The following HPS3 variants were observed in gnomAD, a reference collection of about 807,000 sequenced individuals.
HPS3 encodes the protein BLOC-2 complex member HPS3.
A neutral mutation model predicts 110.9 loss-of-function variants in HPS3; 79 were observed. The observed-to-expected ratio is 0.71, with a 90% CI of 0.59 to 0.86. The LOEUF (loss-of-function observed/expected upper bound fraction) is 0.86, where lower values mean the gene tolerates loss of function less well. Among genes scored for constraint, HPS3 ranks in the 40% least tolerant of loss-of-function variants. HPS3 has a pLI of 0.00. For synonymous variants in HPS3, 428 were observed against 451.0 expected, an observed-to-expected ratio of 0.95 and a Z score of 0.65; for missense variants, 1,197 against 1,206.2, an observed-to-expected ratio of 0.99 and a Z score of 0.11.
intron 4 of HPS3, among the ~76,000 whole-genome samples, chr3:149,142,544 T>C (rs190324117): frequency 6.6e-5 from 10 of 152,354 alleles, no homozygotes; most frequent in East Asian, 5.8e-4. Context: ...GGCACCATGA[T>C]TGAGAATCAC....
chr3:149,137,787 A>T (rs1365907843), intron 1 of HPS3, among the ~76,000 whole-genome samples: 1 of 152,196 alleles, frequency 6.6e-6, no homozygotes, highest in Non-Finnish European at 1.5e-5. Flanking sequence ...TAGAGATAGT[A>T]TAATGGTGGT....
chr3:149,149,158 T>A (rs1159313237), intron 5 of HPS3, among the ~76,000 whole-genome samples: 1 of 143,870 alleles, frequency 7.0e-6, no homozygotes, highest in East Asian at 2.0e-4. Context: ...AGAGACGGGG[T>A]TTCACTGTGT....
intron 1 of HPS3, 129 bp downstream of exon 1, chr3:149,130,069 T>A: frequency 1.2e-6 from 1 of 862,330 alleles, no homozygotes; most frequent in Non-Finnish European, 1.8e-6. Flanking sequence ...TGCCGGATGG[T>A]CTCCCTGGGT....
At chr3:149,155,351 A>G (rs547584847) in intron 8 of HPS3, 136 bp downstream of exon 8, 6 of 675,208 alleles carry the variant, frequency 8.9e-6, no homozygotes, top group South Asian at 3.3e-5. Flanking sequence ...AGTGGAATGT[A>G]TATCTCTCTC....
In HPS3 at chr3:149,162,771, G is replaced by C; in HGVS notation, c.2374G>C (p.Asp792His). The C allele has an allele frequency of 1.2e-6, 2 of 1,614,030 alleles. No homozygotes were observed. Among genetic ancestry groups the C allele is most frequent in the Non-Finnish European group, 1.7e-6 (2 of 1,179,932 alleles). Residue 792 changes from aspartate (D) to histidine (H), a missense_variant, in exon 13 of 17, where the codon GAT becomes CAT. Coordinates refer to ENST00000296051, the MANE Select transcript of HPS3 (RefSeq NM_032383.5). ...AGCTCAGCTAGTGGCATGTCTCCCA[G>C]ATGTGGTACTTCAGGAACTCTTTTT... ...WEAQLVACLP[D>H]VVLQELFFKL... is the part of the protein sequence containing the mutation.
intron 1 of HPS3, among the ~76,000 whole-genome samples, chr3:149,139,416 T>C (rs1034660634): frequency 6.6e-6 from 1 of 152,224 alleles, no homozygotes; most frequent in Non-Finnish European, 1.5e-5. Context: ...GGGAGATCAT[T>C]ATGCTTTTCA....
Position 149,162,351 on chromosome 3 carries a change from T to C in HPS3, c.2292+18T>C, listed in dbSNP as rs1208714958. ...TTTTTAAGGTTTGTCACTTTGAAAA[T>C]GTGATTTTTCTGGATGGCCTCATTA... On this transcript the variant is annotated intron_variant, in intron 12 of 16. Transcript: ENST00000296051. The C allele has an allele frequency of 3.1e-6, 5 of 1,610,190 alleles. No individual in the cohort carries two copies. The Admixed American group carries it at 6.7e-5, about 21-fold the overall frequency.
rs1229261242 is a variant in HPS3, at chr3:149,173,235, A to G, written c.*1013A>G. The G allele has an allele frequency of 6.5e-6, 1 of 152,696 alleles. No homozygotes were observed. Among genetic ancestry groups the G allele is most frequent in the African/African-American group, 2.4e-5 (1 of 41,446 alleles). 9.5% of individuals were successfully genotyped at this position (152,696 alleles called of 1,614,324 possible). A position where few individuals can be genotyped will look rare whatever the true frequency, so the allele number is the denominator to read the frequency against. On this transcript the variant is annotated 3_prime_UTR_variant, in exon 17 of 17. Coordinates refer to ENST00000296051, the MANE Select transcript of HPS3 (RefSeq NM_032383.5). The stretch of plus-strand genomic sequence containing the variant: ...GGTTCACAAAACTCAAATTTGTGTC[A>G]TTCTATTTTATTTATTTTATTTTTT...
At chr3:149,137,121 TCAA>T (rs1286442188) in intron 1 of HPS3, among the ~76,000 whole-genome samples, 3 of 151,858 alleles carry the variant, frequency 2.0e-5, no homozygotes, top group Non-Finnish European at 2.9e-5. Flanking sequence ...CTCTTACAAC[TCAA>T]CAACAACCAA....
At chr3:149,155,253 T>C (rs1723376820) in intron 8 of HPS3, 38 bp downstream of exon 8, 1 of 1,110,492 alleles carries the variant, frequency 9.0e-7, no homozygotes, top group Non-Finnish European at 1.4e-6. Flanking sequence ...TTTGTAGATA[T>C]TTAGAGTGAA....
intron 14 of HPS3, among the ~76,000 whole-genome samples, chr3:149,166,810 A>T (rs981880110): frequency 7.2e-5 from 11 of 152,236 alleles, no homozygotes; most frequent in Non-Finnish European, 1.5e-4. Context: ...TGTTATTTAA[A>T]AATGATTGCT....
chr3:149,148,441 C>A (rs1255664042), intron 5 of HPS3, among the ~76,000 whole-genome samples: 1 of 126,462 alleles, frequency 7.9e-6, no homozygotes. Context: ...GTCGCTCTGT[C>A]GCCCAGGTTG....
intron 1 of HPS3, among the ~76,000 whole-genome samples, chr3:149,137,445 C>G (rs185987339): frequency 1.3e-5 from 2 of 152,118 alleles, no homozygotes; most frequent in Admixed American, 1.3e-4. Context: ...ATAGAATTAC[C>G]ATATGATCCA....
chr3:149,161,484 G>C (rs1723820950), intron 11 of HPS3, among the ~76,000 whole-genome samples: 2 of 144,424 alleles, frequency 1.4e-5, no homozygotes, highest in Non-Finnish European at 3.0e-5. Flanking sequence ...TACATGTTCA[G>C]AACAGAAGCA....
Position 149,172,239 on chromosome 3 carries a change from A to G in HPS3, c.*17A>G. 6.2e-7 allele frequency: 1 copy of G among 1,610,344 alleles called. No homozygotes were observed. On this transcript the variant is annotated 3_prime_UTR_variant, in exon 17 of 17. Coordinates refer to ENST00000296051, the MANE Select transcript of HPS3 (RefSeq NM_032383.5). ...TTGACTTAAAGGTATCATTTGAAAA[A>G]TACCATAATGGCATTTGAGACTGAA...
At chr3:149,133,108 A>C (rs1721871456) in intron 1 of HPS3, among the ~76,000 whole-genome samples, 1 of 152,190 alleles carries the variant, frequency 6.6e-6, no homozygotes, top group African/African-American at 2.4e-5. Flanking sequence ...AAAGACAACG[A>C]AGATTTAGAA....
Position 149,172,508 on chromosome 3 carries a change from G to A in HPS3, c.*286G>A, listed in dbSNP as rs1202517356. Reference sequence around the variant, plus strand: ...TCAAAGAAGCCATACATTTTTTAAGGTGGGGATTGACTTTTATTCCAAGGA... The same window carrying A: ...TCAAAGAAGCCATACATTTTTTAAGATGGGGATTGACTTTTATTCCAAGGA... On this transcript the variant is annotated 3_prime_UTR_variant, in exon 17 of 17. Coordinates refer to ENST00000296051, the MANE Select transcript of HPS3 (RefSeq NM_032383.5). 3.4e-6 allele frequency: 1 copy of A among 296,184 alleles called. No individual in the cohort carries two copies. The highest frequency in any genetic ancestry group is 2.2e-5 in the African/African-American group (1 of 45,826). The allele number at this position is 296,184 out of a possible 1,614,324, so 18.3% of individuals were successfully genotyped here. A position where few individuals can be genotyped will look rare whatever the true frequency, so the allele number is the denominator to read the frequency against.
Position 149,140,139 on chromosome 3 carries a change from G to A in HPS3, c.353G>A (p.Ser118Asn), listed in dbSNP as rs1438522246. 3.7e-6 allele frequency: 6 copies of A among 1,613,884 alleles called. No homozygotes were observed. In the South Asian group the frequency reaches 6.6e-5, roughly 18 times the overall value. ...GGGCATAATGTGGAGGGACCATTCA[G>A]CAAAGCCTTCAGAGACCAGATGTAC... ...MIGHNVEGPF[S>N]KAFRDQMYII... Residue 118 changes from serine to asparagine, a missense_variant, in exon 2 of 17, where the codon AGC becomes AAC. Ser to Asn is a conservative substitution (Grantham distance 46). Transcript: ENST00000296051.
intron 6 of HPS3, among the ~76,000 whole-genome samples, chr3:149,152,639 A>G (rs888765479): frequency 2.0e-5 from 3 of 152,220 alleles, no homozygotes; most frequent in Non-Finnish European, 4.4e-5. Flanking sequence ...CACAACCTCA[A>G]GAGTCTGGTT....
Sources: gnomAD v4.1 joint callset for allele counts (sites outside exome capture counted in the v4.1 genomes callset) on GRCh38, gnomAD v4.1.1 for gene constraint, MANE v1.5 for transcripts, NCBI Gene and HGNC (gene_info 2026-07-23, HGNC 2026-07-21) for gene names.